Variants in DLGAP2 observed in about 807,000 individuals in gnomAD.
DLGAP2 encodes disks large-associated protein 2.
Under a neutral mutation model 100.3 loss-of-function variants are expected in DLGAP2, and 26 were observed. The ratio of observed to expected loss-of-function variants is 0.26; its 90% CI spans 0.19 to 0.36. The LOEUF (loss-of-function observed/expected upper bound fraction) is 0.36. DLGAP2 is among the 10% of genes least tolerant of loss of function. The pLI is 1.00. For synonymous variants in DLGAP2, 886 were observed against 630.1 expected (o/e 1.41, Z -6.08); for missense variants, 1,858 against 1,453.2 (o/e 1.28, Z -4.53).
intron 3 of DLGAP2, among the ~76,000 whole-genome samples, chr8:1,467,080 C>T (rs1412130300): frequency 2.1e-5 from 3 of 140,174 alleles, no homozygotes; most frequent in African/African-American, 9.8e-5. Context: ...GCCCCGGGAC[C>T]AGGATGGTCA....
chr8:1,507,058 A>C (rs1799945400), intron 4 of DLGAP2, among the ~76,000 whole-genome samples: 1 of 152,246 alleles, frequency 6.6e-6, no homozygotes, highest in Non-Finnish European at 1.5e-5. Context: ...AGCTACACAT[A>C]AAAGTTCTCC....
intron 2 of DLGAP2, among the ~76,000 whole-genome samples, chr8:1,089,411 G>A (rs947835050): frequency 3.3e-5 from 5 of 152,206 alleles, no homozygotes; most frequent in Non-Finnish European, 7.3e-5. Flanking sequence ...ATAACCGTGG[G>A]CTGGTGAGAC....
chr8:1,180,277 C>G (rs891503412), intron 2 of DLGAP2, among the ~76,000 whole-genome samples: 2 of 152,216 alleles, frequency 1.3e-5, no homozygotes, highest in Non-Finnish European at 2.9e-5. Context: ...ACATGCCAGT[C>G]AGACGTGGAA....
intron 6 of DLGAP2, among the ~76,000 whole-genome samples, chr8:1,622,596 T>C (rs1270062445): frequency 6.6e-6 from 1 of 152,222 alleles, no homozygotes; most frequent in East Asian, 1.9e-4. Context: ...GTCTTGGGGT[T>C]ATGGATTCAC....
At chr8:1,645,558 A>G (rs1165417663) in intron 8 of DLGAP2, among the ~76,000 whole-genome samples, 1 of 152,192 alleles carries the variant, frequency 6.6e-6, no homozygotes, top group Non-Finnish European at 1.5e-5. Context: ...TTTCCCTGTA[A>G]TGATGCAAAA....
At chr8:746,839 G>A (rs988388751) in intron 1 of DLGAP2, among the ~76,000 whole-genome samples, 3 of 152,208 alleles carry the variant, frequency 2.0e-5, no homozygotes, top group Non-Finnish European at 4.4e-5. Context: ...TCACCATCCC[G>A]GTGTAGCCCC....
intron 2 of DLGAP2, among the ~76,000 whole-genome samples, chr8:1,119,118 A>T (rs767596290): frequency 2.7e-4 from 41 of 152,152 alleles, no homozygotes; most frequent in Non-Finnish European, 5.3e-4. Context: ...ATTTTTTCCC[A>T]TTTAAGTACT....
chr8:934,954 T>G (rs1177060063), intron 2 of DLGAP2, among the ~76,000 whole-genome samples: 1 of 152,196 alleles, frequency 6.6e-6, no homozygotes, highest in African/African-American at 2.4e-5. Flanking sequence ...TAGTCTCCTT[T>G]CTGTCTCTTC....
intron 2 of DLGAP2, among the ~76,000 whole-genome samples, chr8:1,206,351 G>A (rs80225665): frequency 3.0e-5 from 4 of 132,930 alleles, no homozygotes; most frequent in Admixed American, 1.5e-4. Context: ...TTAATCTCCA[G>A]CCATCCGTGG....
chr8:1,579,472 C>G (rs1221020104), intron 6 of DLGAP2, among the ~76,000 whole-genome samples: 1 of 151,666 alleles, frequency 6.6e-6, no homozygotes, highest in African/African-American at 2.4e-5. Context: ...TGATACAAGC[C>G]AACAAGCAAA....
intron 1 of DLGAP2, among the ~76,000 whole-genome samples, chr8:898,841 G>C (rs1276153237): frequency 6.6e-6 from 1 of 152,224 alleles, no homozygotes; most frequent in Non-Finnish European, 1.5e-5. Context: ...AGCTTTGAAG[G>C]GGGTTAATGG....
intron 2 of DLGAP2, among the ~76,000 whole-genome samples, chr8:1,212,237 C>G (rs76385705): frequency 0.038 from 5,836 of 152,258 alleles, 136 homozygotes; most frequent in East Asian, 0.085. Flanking sequence ...TCTCATCCTT[C>G]GGATACCTGG....
At chr8:1,678,091 A>G in intron 11 of DLGAP2, 123 bp from the exon 12 acceptor site, 1 of 1,082,282 alleles carries the variant, frequency 9.2e-7, no homozygotes, top group Non-Finnish European at 1.3e-6. Context: ...ACAAAACACT[A>G]CCTGCCCTTG....
intron 4 of DLGAP2, among the ~76,000 whole-genome samples, chr8:1,547,605 C>T (rs1234629653): frequency 6.6e-6 from 1 of 152,112 alleles, no homozygotes; most frequent in Non-Finnish European, 1.5e-5. Context: ...TCCTTCTCTG[C>T]AGGTCACCCC....
chr8:1,025,731 A>G (rs1801778733), intron 2 of DLGAP2, among the ~76,000 whole-genome samples: 1 of 152,154 alleles, frequency 6.6e-6, no homozygotes, highest in Non-Finnish European at 1.5e-5. Flanking sequence ...AGCAAAAGGA[A>G]CAAATGACAG....
At chr8:1,216,872 A>T (rs1281762917) in intron 2 of DLGAP2, among the ~76,000 whole-genome samples, 1 of 152,194 alleles carries the variant, frequency 6.6e-6, no homozygotes, top group East Asian at 1.9e-4. Context: ...TTACAAATCA[A>T]GGTAAATATG....
intron 8 of DLGAP2, among the ~76,000 whole-genome samples, chr8:1,640,917 G>C (rs955323879): frequency 6.6e-6 from 1 of 152,174 alleles, no homozygotes; most frequent in African/African-American, 2.4e-5. Context: ...TCCGTTGTGC[G>C]CTAAGCCTAT....
chr8:1,515,097 G>T (rs1800319659), intron 4 of DLGAP2, among the ~76,000 whole-genome samples: 3 of 152,132 alleles, frequency 2.0e-5, no homozygotes, highest in Non-Finnish European at 4.4e-5. Context: ...CGCATGTTTG[G>T]CCTGAAATGG....
rs1274638640 is a variant in DLGAP2, at chr8:981,012, C to T, written c.73+73046C>T. Among the ~76,000 whole-genome samples the T allele has an allele frequency of 3.3e-5, 5 of 152,084 alleles. No individual in the cohort carries two copies. In the East Asian group the frequency reaches 5.8e-4, roughly 18 times the overall value. On this transcript the variant is annotated intron_variant, in intron 2 of 14. Transcript: ENST00000637795. ...CTATAATGTTATGTGACCAACATTA[C>T]CATCTATTTCCGGAAAATTTTCCTT... is the stretch of plus-strand genomic sequence containing the variant.
Sources: allele counts gnomAD v4.1 joint callset (sites outside exome capture counted in the v4.1 genomes callset), GRCh38; gene constraint gnomAD v4.1.1; transcripts MANE v1.5; gene names NCBI Gene and HGNC (gene_info 2026-07-23, HGNC 2026-07-21).